CNTNAP2: variants seen among roughly 807,000 people sequenced by gnomAD.
CNTNAP2 encodes contactin-associated protein-like 2.
Under a neutral mutation model 155.2 loss-of-function variants are expected in CNTNAP2, and 98 were observed. The ratio of observed to expected loss-of-function variants is 0.63; its 90% CI spans 0.54 to 0.75. CNTNAP2 has a LOEUF of 0.75. CNTNAP2 is among the 30% of genes least tolerant of loss of function. The probability of loss-of-function intolerance (pLI) is 0.00; values close to 1 mark genes in which losing one functional copy is unlikely to be tolerated. For synonymous variants in CNTNAP2, 651 were observed against 631.2 expected, an observed-to-expected ratio of 1.03 and a Z score of -0.47; for missense variants, 1,727 against 1,688.1, an observed-to-expected ratio of 1.02 and a Z score of -0.40.
intron 3 of CNTNAP2, among the ~76,000 whole-genome samples, chr7:146,926,637 A>G (rs949306173): frequency 6.6e-6 from 1 of 152,108 alleles, no homozygotes; most frequent in African/African-American, 2.4e-5. Flanking sequence ...GTAGCTTTTG[A>G]ATGTTATCTA....
chr7:146,312,302 G>C (rs1411294796), intron 1 of CNTNAP2, among the ~76,000 whole-genome samples: 2 of 152,164 alleles, frequency 1.3e-5, no homozygotes, highest in Admixed American at 6.5e-5. Flanking sequence ...TGATGAGAGG[G>C]TGAGAGTTAG....
chr7:147,050,479 T>G (rs1322371310), intron 4 of CNTNAP2, among the ~76,000 whole-genome samples: 2 of 152,216 alleles, frequency 1.3e-5, no homozygotes, highest in South Asian at 2.1e-4. Flanking sequence ...AAAACCTGTA[T>G]GTCATTCAAT....
chr7:147,170,487 G>A (rs1802204861), intron 8 of CNTNAP2, among the ~76,000 whole-genome samples: 1 of 152,114 alleles, frequency 6.6e-6, no homozygotes, highest in Non-Finnish European at 1.5e-5. Context: ...TGTTGGGCAG[G>A]GGGATAGACC....
intron 1 of CNTNAP2, among the ~76,000 whole-genome samples, chr7:146,652,466 A>G (rs1261930166): frequency 6.6e-6 from 1 of 152,082 alleles, no homozygotes; most frequent in Non-Finnish European, 1.5e-5. Flanking sequence ...TGAACAAGAG[A>G]TTTTTGACAG....
intron 1 of CNTNAP2, among the ~76,000 whole-genome samples, chr7:146,694,309 T>C (rs1479872352): frequency 6.6e-6 from 1 of 152,234 alleles, no homozygotes; most frequent in East Asian, 1.9e-4. Flanking sequence ...TTTATAGATT[T>C]ACACTTTTCC....
intron 9 of CNTNAP2, among the ~76,000 whole-genome samples, chr7:147,311,558 C>G (rs538367905): frequency 6.6e-6 from 1 of 152,156 alleles, no homozygotes; most frequent in Non-Finnish European, 1.5e-5. Flanking sequence ...GAGCAGCCAA[C>G]TCTGACCTCA....
chr7:148,226,780 A>G (rs1795859742), intron 19 of CNTNAP2, among the ~76,000 whole-genome samples: 1 of 152,260 alleles, frequency 6.6e-6, no homozygotes, highest in African/African-American at 2.4e-5. Flanking sequence ...AAACCCCAGA[A>G]CTATGCCAAT....
chr7:146,361,377 C>A (rs1309760882), intron 1 of CNTNAP2, among the ~76,000 whole-genome samples: 1 of 152,116 alleles, frequency 6.6e-6, no homozygotes, highest in Admixed American at 6.5e-5. Context: ...TGTAACCAGT[C>A]CCCCACGTGT....
intron 8 of CNTNAP2, among the ~76,000 whole-genome samples, chr7:147,161,466 G>A (rs1210411269): frequency 6.6e-6 from 1 of 152,116 alleles, no homozygotes; most frequent in African/African-American, 2.4e-5. Flanking sequence ...CAAGTATACT[G>A]GCTGGCACTC....
chr7:147,374,553 C>T, intron 9 of CNTNAP2, among the ~76,000 whole-genome samples: 1 of 152,018 alleles, frequency 6.6e-6, no homozygotes, highest in Non-Finnish European at 1.5e-5. Flanking sequence ...GCATATCATA[C>T]TGTAAAGTGC....
At chr7:146,637,122 C>A (rs927338858) in intron 1 of CNTNAP2, among the ~76,000 whole-genome samples, 1 of 152,154 alleles carries the variant, frequency 6.6e-6, no homozygotes, top group Non-Finnish European at 1.5e-5. Flanking sequence ...TGAAATTTTG[C>A]TGAGTGGCTT....
At chr7:147,894,378 A>T (rs1799741863) in intron 13 of CNTNAP2, among the ~76,000 whole-genome samples, 1 of 152,194 alleles carries the variant, frequency 6.6e-6, no homozygotes, top group African/African-American at 2.4e-5. Flanking sequence ...GTCGCTTAGA[A>T]AAAATCCTGC....
At chr7:146,549,058 C>CTT (rs565332134) in intron 1 of CNTNAP2, among the ~76,000 whole-genome samples, 10 of 136,694 alleles carry the variant, frequency 7.3e-5, no homozygotes, top group Admixed American at 2.9e-4. Flanking sequence ...GTCCAATTTC[C>CTT]TTTTTTTTTT....
At chr7:147,839,451 G>A (rs566130470) in intron 13 of CNTNAP2, among the ~76,000 whole-genome samples, 47 of 152,252 alleles carry the variant, frequency 3.1e-4, no homozygotes, top group Admixed American at 3.3e-4. Flanking sequence ...GCTGGGTGGC[G>A]GTAAAGGAAC....
At chr7:148,093,457 A>G (rs908090543) in intron 15 of CNTNAP2, among the ~76,000 whole-genome samples, 1 of 152,252 alleles carries the variant, frequency 6.6e-6, no homozygotes, top group African/African-American at 2.4e-5. Flanking sequence ...CATACTTGGA[A>G]AATACTTAAC....
chr7:147,043,477 C>G (rs1397378081), intron 3 of CNTNAP2, among the ~76,000 whole-genome samples: 3 of 152,158 alleles, frequency 2.0e-5, no homozygotes, highest in African/African-American at 4.8e-5. Context: ...TTCTTCTTCT[C>G]TCACTAATGT....
In CNTNAP2 at chr7:146,324,211, G is replaced by A. The variant is rs1191995419; in HGVS notation, c.97+207238G>A. Reference sequence around the variant, plus strand: ...CAGGAGGGGGAGGTTGCAGTGAGCTGAGATGGAACGATTACACTTCAGCCT... The same window carrying A: ...CAGGAGGGGGAGGTTGCAGTGAGCTAAGATGGAACGATTACACTTCAGCCT... On this transcript the variant is annotated intron_variant, in intron 1 of 23. Transcript: ENST00000361727. Among the ~76,000 whole-genome samples the A allele has an allele frequency of 2.6e-5, 4 of 152,136 alleles. 1 individual carries two copies. Among genetic ancestry groups the A allele is most frequent in the Admixed American group, 6.6e-5 (1 of 15,264 alleles).
intron 20 of CNTNAP2, among the ~76,000 whole-genome samples, chr7:148,241,218 T>C (rs1490515117): frequency 2.6e-5 from 4 of 152,020 alleles, no homozygotes; most frequent in Admixed American, 6.6e-5. Context: ...TAAATGGAAA[T>C]ACAAAAAAAA....
At chr7:146,607,665 T>TG (rs1363122492) in intron 1 of CNTNAP2, among the ~76,000 whole-genome samples, 2 of 151,874 alleles carry the variant, frequency 1.3e-5, no homozygotes, top group Non-Finnish European at 2.9e-5. Flanking sequence ...TTTATAGAGT[T>TG]GGGGGTCTCA....
Sources: allele counts gnomAD v4.1 joint callset (sites outside exome capture counted in the v4.1 genomes callset), GRCh38; gene constraint gnomAD v4.1.1; transcripts MANE v1.5; gene names NCBI Gene and HGNC (gene_info 2026-07-23, HGNC 2026-07-21).